Variants in SLMAP observed in about 807,000 individuals in gnomAD.
SLMAP encodes sarcolemma associated protein.
A neutral mutation model predicts 128.8 loss-of-function variants in SLMAP; 44 were observed. That is an observed-to-expected ratio of 0.34 (90% CI 0.27 to 0.44). The LOEUF is 0.44. Among genes scored for constraint, SLMAP ranks in the 20% least tolerant of loss-of-function variants. The pLI, the probability that SLMAP is intolerant of heterozygous loss-of-function variation, is 1.00. For missense variants in SLMAP, 787 were observed against 985.3 expected (o/e 0.80, Z 2.69); for synonymous variants, 327 against 348.8 (o/e 0.94, Z 0.70).
chr3:57,839,349 T>C, intron 3 of SLMAP, among the ~76,000 whole-genome samples: 1 of 152,156 alleles, frequency 6.6e-6, no homozygotes, highest in Non-Finnish European at 1.5e-5. Flanking sequence ...CATTTCCAGA[T>C]GACAGTCATA....
intron 2 of SLMAP, among the ~76,000 whole-genome samples, chr3:57,823,564 G>A (rs1040063475): frequency 4.7e-5 from 7 of 150,308 alleles, no homozygotes; most frequent in East Asian, 1.9e-4. Context: ...ATTTTTTATC[G>A]CTGCATAGTA....
chr3:57,805,543 C>A (rs928090173), intron 2 of SLMAP, among the ~76,000 whole-genome samples: 2 of 152,202 alleles, frequency 1.3e-5, no homozygotes, highest in African/African-American at 4.8e-5. Context: ...CCTCTTACTA[C>A]TTCTAACACT....
intron 3 of SLMAP, among the ~76,000 whole-genome samples, chr3:57,833,051 C>G (rs1577233725): frequency 6.6e-6 from 1 of 152,114 alleles, no homozygotes; most frequent in Non-Finnish European, 1.5e-5. Context: ...CTGTGAGTAA[C>G]CCATAGAGAA....
intron 2 of SLMAP, among the ~76,000 whole-genome samples, chr3:57,808,005 G>A (rs2090219901): frequency 6.6e-6 from 1 of 152,122 alleles, no homozygotes; most frequent in Non-Finnish European, 1.5e-5. Flanking sequence ...TTGGGAGGGT[G>A]TATGTGTCCA....
intron 2 of SLMAP, among the ~76,000 whole-genome samples, chr3:57,815,171 T>C (rs1175519585): frequency 6.6e-6 from 1 of 152,158 alleles, no homozygotes; most frequent in Non-Finnish European, 1.5e-5. Context: ...CTCACATGCA[T>C]CGTTCACAAT....
intron 2 of SLMAP, among the ~76,000 whole-genome samples, chr3:57,786,909 AT>A (rs1218881045): frequency 6.6e-6 from 1 of 151,344 alleles, no homozygotes; most frequent in Admixed American, 6.6e-5. Flanking sequence ...AATTTTTTGT[AT>A]TTTTTTAAGT....
rs1347907761 is a variant in SLMAP at position 57,925,862 on chromosome 3, C to T, written c.2463C>T (p.Pro821=). ...TTCTTTAGCCTTCCATATTACAACC[C>T]GTCCCAGCCGTATTCATCGGCCTAT... ...EKGNNPSILQ[P]VPAVFIGLFL... Residue 821 remains proline, a synonymous_variant, in exon 24 of 25, where the codon CCC becomes CCT. Coordinates refer to ENST00000671191, the MANE Select transcript of SLMAP (RefSeq NM_001377540.1). The T allele has an allele frequency of 2.6e-6, 4 of 1,550,692 alleles. No homozygotes were observed. Among genetic ancestry groups the T allele is most frequent in the East Asian group, 2.4e-5 (1 of 40,932 alleles).
At chr3:57,807,523 G>A (rs1379492856) in intron 2 of SLMAP, among the ~76,000 whole-genome samples, 1 of 152,080 alleles carries the variant, frequency 6.6e-6, no homozygotes, top group African/African-American at 2.4e-5. Flanking sequence ...TTTATCGAAG[G>A]CCTTTCTGCA....
At chr3:57,777,192 A>G (rs1160436265) in intron 2 of SLMAP, among the ~76,000 whole-genome samples, 6 of 152,048 alleles carry the variant, frequency 3.9e-5, no homozygotes, top group Admixed American at 3.9e-4. Context: ...GGGCACATGT[A>G]TACATATGTA....
At chr3:57,840,597 A>G (rs1248102451) in intron 3 of SLMAP, among the ~76,000 whole-genome samples, 2 of 152,242 alleles carry the variant, frequency 1.3e-5, no homozygotes, top group African/African-American at 2.4e-5. Flanking sequence ...GTCTCTTAAA[A>G]TCTTCAATAG....
intron 22 of SLMAP, among the ~76,000 whole-genome samples, chr3:57,918,834 C>T (rs1463728595): frequency 6.6e-6 from 1 of 152,126 alleles, no homozygotes; most frequent in Non-Finnish European, 1.5e-5. Context: ...CTGTAACAGA[C>T]TAAAATATTA....
chr3:57,804,786 C>A (rs1232379848), intron 2 of SLMAP, among the ~76,000 whole-genome samples: 1 of 152,026 alleles, frequency 6.6e-6, no homozygotes, highest in Non-Finnish European at 1.5e-5. Flanking sequence ...AATTTACTTA[C>A]AATAATATTA....
At chr3:57,819,910 C>A in intron 2 of SLMAP, among the ~76,000 whole-genome samples, 1 of 152,046 alleles carries the variant, frequency 6.6e-6, no homozygotes, top group Non-Finnish European at 1.5e-5. Context: ...CACCATCACA[C>A]CCAGGTAGTT....
chr3:57,856,656 A>G (rs1460908850), intron 6 of SLMAP, among the ~76,000 whole-genome samples: 1 of 151,464 alleles, frequency 6.6e-6, no homozygotes, highest in African/African-American at 2.4e-5. Flanking sequence ...AAGGTATTTT[A>G]CAGTTAATGT....
intron 17 of SLMAP, among the ~76,000 whole-genome samples, chr3:57,906,793 A>G (rs1469932345): frequency 6.6e-6 from 1 of 151,418 alleles, no homozygotes; most frequent in Non-Finnish European, 1.5e-5. Flanking sequence ...CTTATAAACC[A>G]AGGTGATACT....
intron 15 of SLMAP, chr3:57,896,169 C>A: frequency 1.1e-6 from 1 of 902,474 alleles, no homozygotes; most frequent in Non-Finnish European, 1.3e-6. Flanking sequence ...ACAGTGTCTG[C>A]ATTGTCCTGG....
chr3:57,801,863 C>T (rs2088517497), intron 2 of SLMAP, among the ~76,000 whole-genome samples: 1 of 151,894 alleles, frequency 6.6e-6, no homozygotes, highest in South Asian at 2.1e-4. Context: ...TGATGATCAG[C>T]TTGTGAAAAG....
chr3:57,816,359 G>C (rs1285960782), intron 2 of SLMAP, among the ~76,000 whole-genome samples: 1 of 152,034 alleles, frequency 6.6e-6, no homozygotes, highest in African/African-American at 2.4e-5. Context: ...GGCCAGGCTG[G>C]TCTCAAACTC....
chr3:57,913,192 A>C lies in SLMAP; in HGVS notation c.2055A>C (p.Ala685=). 1.9e-6 allele frequency: 3 copies of C among 1,595,156 alleles called. No individual in the cohort carries two copies. Among genetic ancestry groups the C allele is most frequent in the Non-Finnish European group, 2.6e-6 (3 of 1,165,372 alleles). Residue 685 remains alanine, a synonymous_variant, in exon 21 of 25, where the codon GCA becomes GCC. Coordinates refer to ENST00000671191, the MANE Select transcript of SLMAP (RefSeq NM_001377540.1). ...AGAAGTTGAGAAAGGAATGGAATGC[A>C]TTGGAAACCGAATGCCATTCTCTAA... ...ELEKLRKEWN[A]LETECHSLKR...
Sources: allele counts gnomAD v4.1 joint callset (sites outside exome capture counted in the v4.1 genomes callset), GRCh38; gene constraint gnomAD v4.1.1; transcripts MANE v1.5; gene names NCBI Gene and HGNC (gene_info 2026-07-23, HGNC 2026-07-21).